The following ARHGEF10L variants were observed in gnomAD, a reference collection of about 807,000 sequenced individuals.
The protein encoded by ARHGEF10L is Rho guanine nucleotide exchange factor 10 like, also known as rho guanine nucleotide exchange factor 10-like protein.
A neutral mutation model predicts 141.2 loss-of-function variants in ARHGEF10L; 69 were observed. The observed-to-expected ratio is 0.49, with a 90% CI of 0.40 to 0.60. The LOEUF is 0.60. Among genes scored for constraint, ARHGEF10L ranks in the 20% least tolerant of loss-of-function variants. The pLI is 0.00. For missense variants in ARHGEF10L, 1,482 were observed against 1,734.3 expected (o/e 0.85, Z 2.58); for synonymous variants, 711 against 718.5 (o/e 0.99, Z 0.17).
chr1:17,627,664 C>A lies in ARHGEF10L; in HGVS notation c.1584+161C>A, dbSNP rs942644870. Among the ~76,000 whole-genome samples the A allele has an allele frequency of 6.6e-6, 1 of 152,276 alleles. No individual in the cohort carries two copies. Among genetic ancestry groups the A allele is most frequent in the South Asian group, 2.1e-4 (1 of 4,820 alleles). ...GTGACCTTGGGGATTGGATCCTCAG[C>A]GGGACCCCCACGTTCATTCCTGTTC... On this transcript the variant is annotated intron_variant, in intron 15 of 28. Coordinates refer to ENST00000361221, the MANE Select transcript of ARHGEF10L (RefSeq NM_018125.4). This position sits in a 1 kb window ranked among gnomAD's most constrained non-coding sequence, Gnocchi z 4.0.
At chr1:17,581,427 C>T (rs1186422339) in intron 2 of ARHGEF10L, among the ~76,000 whole-genome samples, 2 of 152,116 alleles carry the variant, frequency 1.3e-5, no homozygotes, top group Admixed American at 6.5e-5. Flanking sequence ...ATTTGGCAAC[C>T]CTGGCACTGG....
At chr1:17,675,913 A>G (rs1328219299) in intron 26 of ARHGEF10L, among the ~76,000 whole-genome samples, 13 of 78,740 alleles carry the variant, frequency 1.7e-4, no homozygotes, top group East Asian at 8.7e-4. Context: ...TTTGTGTGCA[A>G]GTGTGGGTAC....
chr1:17,652,952 C>T (rs867842051), intron 22 of ARHGEF10L, among the ~76,000 whole-genome samples: 4 of 152,200 alleles, frequency 2.6e-5, no homozygotes, highest in African/African-American at 7.2e-5. Flanking sequence ...TGCTGTTGGC[C>T]GTGTACCCTG....
chr1:17,537,379 C>T (rs901468826), upstream of ARHGEF10L, among the ~76,000 whole-genome samples: 8 of 152,212 alleles, frequency 5.3e-5, no homozygotes, highest in Admixed American at 2.0e-4. Flanking sequence ...GAATCCATTA[C>T]GATCCTCTAA....
Position 17,607,859 on chromosome 1 carries a change from C to T in ARHGEF10L, c.491C>T (p.Ala164Val), listed in dbSNP as rs373564688. 2.8e-4 allele frequency: 445 copies of T among 1,586,546 alleles called. 1 individual carries two copies. In the African/African-American group the frequency reaches 4.2e-3, roughly 15 times the overall value. The part of the protein sequence containing the change: ...DAHRAGAPRQ[A>V]EDLGWSSSEF... ...CACCGGGCTGGGGCCCCTCGGCAGG[C>T]GGAGGACCTAGGCTGGAGCTCCAGT... Residue 164 changes from alanine to valine, a missense_variant, in exon 7 of 29, where the codon GCG becomes GTG. Ala to Val is a moderately conservative substitution (Grantham distance 64, BLOSUM62 0). Around this residue, in one of 3 missense-constraint regions of ARHGEF10L, gnomAD observed 392 missense variants for 542.1 expected, o/e 0.72. Transcript: ENST00000361221. This position sits in a 1 kb window ranked among gnomAD's most constrained non-coding sequence, Gnocchi z 4.5.
At chr1:17,693,854 G>T (rs1255590735) in intron 27 of ARHGEF10L, among the ~76,000 whole-genome samples, 2 of 152,190 alleles carry the variant, frequency 1.3e-5, no homozygotes, top group Non-Finnish European at 2.9e-5. Flanking sequence ...CAGGATCAGG[G>T]CAAGAAGGAG....
Position 17,603,366 on chromosome 1 carries a change from G to A in ARHGEF10L, c.350-142G>A, listed in dbSNP as rs894752374. 8 of 571,544 alleles carry A rather than the reference G, an allele frequency of 1.4e-5. No homozygotes were observed. The highest frequency in any genetic ancestry group is 5.9e-5 in the African/African-American group (3 of 51,272). The allele number at this position is 571,544 out of a possible 1,614,324, so 35.4% of individuals were successfully genotyped here. On this transcript the variant is annotated intron_variant, in intron 5 of 28. Transcript: ENST00000361221. The surrounding 1 kb of genome is among the most constrained non-coding windows in gnomAD (Gnocchi z 4.8). ...AGCCGGCATCCCCTGAGGGCAGCTG[G>A]CGGAGCTAAGGGCTGGGCTGGGCTA...
At chr1:17,680,184 C>T (rs1394708275) in intron 26 of ARHGEF10L, among the ~76,000 whole-genome samples, 1 of 152,142 alleles carries the variant, frequency 6.6e-6, no homozygotes, top group Non-Finnish European at 1.5e-5. Flanking sequence ...GCGCACAGTG[C>T]CCAGTCAGGC....
At chr1:17,595,504 C>A (rs2100807086) in intron 4 of ARHGEF10L, among the ~76,000 whole-genome samples, 1 of 152,266 alleles carries the variant, frequency 6.6e-6, no homozygotes, top group Non-Finnish European at 1.5e-5. Context: ...TCACTCCCTG[C>A]TGAGGTCTGT....
chr1:17,580,613 T>G lies in ARHGEF10L; in HGVS notation c.18T>G (p.Pro6=), dbSNP rs35812446. 0.022 allele frequency: 35,894 copies of G among 1,614,052 alleles called. 559 individuals carry two copies. The highest frequency in any genetic ancestry group is 0.078 in the East Asian group (3,511 of 44,854). Residue 6 remains proline (P), a synonymous_variant, in exon 2 of 29, where the codon CCT becomes CCG. Coordinates refer to ENST00000361221, the MANE Select transcript of ARHGEF10L (RefSeq NM_018125.4). Reference sequence around the variant, plus strand: ...CTTGTCTGATGGCTTCCTCCAACCCTCCTCCACAGCCTGCCATAGGTACCG... The same window carrying G: ...CTTGTCTGATGGCTTCCTCCAACCCGCCTCCACAGCCTGCCATAGGTACCG... The part of the protein sequence containing the change: MASSN[P]PPQPAIGDQL...
chr1:17,606,131 G>A (rs1186451738), intron 6 of ARHGEF10L, among the ~76,000 whole-genome samples: 1 of 152,132 alleles, frequency 6.6e-6, no homozygotes, highest in African/African-American at 2.4e-5. Context: ...TCTCAGCCGA[G>A]TGCGTGCTAT....
At chr1:17,632,981 G>A (rs1366516793) in intron 16 of ARHGEF10L, among the ~76,000 whole-genome samples, 1 of 152,250 alleles carries the variant, frequency 6.6e-6, no homozygotes, top group Admixed American at 6.5e-5. Context: ...GTGCCTGGGA[G>A]CCGGAGCCCT....
At chr1:17,584,461 C>T (rs1306251183) in intron 2 of ARHGEF10L, among the ~76,000 whole-genome samples, 2 of 152,018 alleles carry the variant, frequency 1.3e-5, no homozygotes, top group Non-Finnish European at 2.9e-5. Context: ...CAACAGCAAA[C>T]AAAACAGACA....
intron 21 of ARHGEF10L, 51 bp from the exon 22 acceptor site, chr1:17,648,503 T>G (rs751392082): frequency 6.3e-7 from 1 of 1,599,552 alleles, no homozygotes; most frequent in Non-Finnish European, 8.5e-7. Context: ...CATGGCCCAG[T>G]TGGTCCTTGG....
chr1:17,648,765 C>A, intron 22 of ARHGEF10L, 90 bp downstream of exon 22: 1 of 1,520,734 alleles, frequency 6.6e-7, no homozygotes. Context: ...GGAGCGCCCA[C>A]AGCAGGGAAG....
At chr1:17,680,997 T>C (rs988913626) in intron 26 of ARHGEF10L, among the ~76,000 whole-genome samples, 1 of 152,180 alleles carries the variant, frequency 6.6e-6, no homozygotes, top group Non-Finnish European at 1.5e-5. Context: ...GGTCTTGAAC[T>C]GCTGACCTCA....
At position 17,580,742 on chromosome 1, in the gene ARHGEF10L, C is replaced by T. The variant is rs1288209698; in HGVS notation, c.37+110C>T. ...AGCATGGCGCCGGGTGGGAAGTCTGCTCTGCTGGCTGCTGGCCCTGCCTGG... is the reference window on the plus strand; with the variant it reads ...AGCATGGCGCCGGGTGGGAAGTCTGTTCTGCTGGCTGCTGGCCCTGCCTGG... On this transcript the variant is annotated intron_variant, in intron 2 of 28. Coordinates refer to ENST00000361221, the MANE Select transcript of ARHGEF10L (RefSeq NM_018125.4). The T allele has an allele frequency of 6.0e-6, 8 of 1,326,336 alleles. No homozygotes were observed. In the Admixed American group the frequency reaches 1.5e-4, roughly 25 times the overall value. 82.2% of individuals were successfully genotyped at this position (1,326,336 alleles called of 1,614,324 possible).
the ARHGEF10L span, among the ~76,000 whole-genome samples, chr1:17,514,308 G>C: frequency 1.3e-5 from 2 of 151,530 alleles, no homozygotes; most frequent in African/African-American, 2.4e-5. Flanking sequence ...GCTAATTTTT[G>C]TATTTTTAGT....
chr1:17,601,258 C>T (rs1324602918), intron 4 of ARHGEF10L, among the ~76,000 whole-genome samples: 2 of 152,038 alleles, frequency 1.3e-5, no homozygotes, highest in African/African-American at 4.8e-5. Flanking sequence ...CACATGGCAC[C>T]TGCGTGGCGT....
Sources: gnomAD v4.1 joint callset for allele counts (sites outside exome capture counted in the v4.1 genomes callset) on GRCh38, gnomAD v4.1.1 for gene constraint, gnomAD v4.1.1 regional missense constraint, Gnocchi (gnomAD v3.1) non-coding constraint, MANE v1.5 for transcripts, NCBI Gene and HGNC (gene_info 2026-07-23, HGNC 2026-07-21) for gene names.